The following WHRN variants were observed in gnomAD, a reference collection of about 807,000 sequenced individuals.
WHRN encodes the protein whirlin, also known as CASK-interacting protein CIP98.
In WHRN, 41 loss-of-function variants were observed where a neutral mutation model predicts 68.3. The observed-to-expected ratio is 0.60, with a 90% confidence interval of 0.47 to 0.78. The LOEUF is 0.78. WHRN is among the 30% of genes least tolerant of loss of function. WHRN has a pLI of 0.00. For synonymous variants in WHRN, 560 were observed against 561.3 expected (o/e 1.00, Z 0.03); for missense variants, 1,243 against 1,244.7 (o/e 1.00, Z 0.02).
intron 3 of WHRN, among the ~76,000 whole-genome samples, chr9:114,444,497 T>C (rs1353304733): frequency 2.0e-5 from 3 of 151,916 alleles, no homozygotes; most frequent in Non-Finnish European, 4.4e-5. Context: ...TATAATGACA[T>C]AGTACAAATA....
chr9:114,490,646 C>T (rs989178371), intron 1 of WHRN, among the ~76,000 whole-genome samples: 3 of 152,136 alleles, frequency 2.0e-5, no homozygotes, highest in Admixed American at 6.5e-5. Context: ...CTGCGAATGC[C>T]GGGATCTCAG....
chr9:114,406,163 T>G (rs1377941697), intron 9 of WHRN, among the ~76,000 whole-genome samples, 192 bp downstream of exon 9: 1 of 152,150 alleles, frequency 6.6e-6, no homozygotes, highest in Non-Finnish European at 1.5e-5. Context: ...AGACGGCAGC[T>G]TGTCCACAGT....
chr9:114,476,114 G>A (rs889668845), intron 2 of WHRN, among the ~76,000 whole-genome samples: 1 of 152,088 alleles, frequency 6.6e-6, no homozygotes, highest in Non-Finnish European at 1.5e-5. Context: ...ACAGACACAT[G>A]CCATCATACC....
chr9:114,419,674 G>A (rs552439450), intron 7 of WHRN, among the ~76,000 whole-genome samples: 57 of 152,314 alleles, frequency 3.7e-4, no homozygotes, highest in Admixed American at 1.0e-3. Context: ...TATGAAGTGG[G>A]GAGAAGAACA....
At chr9:114,434,811 C>A (rs1410258507) in intron 3 of WHRN, among the ~76,000 whole-genome samples, 1 of 152,172 alleles carries the variant, frequency 6.6e-6, no homozygotes, top group African/African-American at 2.4e-5. Flanking sequence ...TCTCGTCACA[C>A]CCTCCTTTAA....
intron 3 of WHRN, among the ~76,000 whole-genome samples, chr9:114,461,723 C>T (rs1411604490): frequency 1.3e-5 from 2 of 152,210 alleles, no homozygotes; most frequent in African/African-American, 2.4e-5. Context: ...TAAATTTCAA[C>T]CGAAATGCTT....
intron 3 of WHRN, among the ~76,000 whole-genome samples, chr9:114,453,435 C>T (rs916274751): frequency 6.6e-6 from 1 of 152,136 alleles, no homozygotes; most frequent in Non-Finnish European, 1.5e-5. Flanking sequence ...GGACAAATAT[C>T]CAAACTACAT....
intron 1 of WHRN, among the ~76,000 whole-genome samples, chr9:114,498,373 G>C (rs1011138051): frequency 1.3e-5 from 2 of 152,192 alleles, no homozygotes; most frequent in Admixed American, 1.3e-4. Context: ...GAGGGTGGCA[G>C]GGATGCAGAG....
intron 2 of WHRN, among the ~76,000 whole-genome samples, chr9:114,471,630 C>G (rs1841230514): frequency 6.6e-6 from 1 of 152,246 alleles, no homozygotes; most frequent in Admixed American, 6.5e-5. Flanking sequence ...AGCCATCTCC[C>G]TTCCTGCCTT....
chr9:114,423,603 CT>C, intron 6 of WHRN, 80 bp from the exon 7 acceptor site: 1 of 1,410,228 alleles, frequency 7.1e-7, no homozygotes, highest in Non-Finnish European at 9.7e-7. Flanking sequence ...CCCCAAAGGA[CT>C]GGCATGCAAA....
intron 1 of WHRN, among the ~76,000 whole-genome samples, chr9:114,483,078 A>G (rs979376988): frequency 7.9e-5 from 12 of 152,208 alleles, no homozygotes; most frequent in East Asian, 1.9e-4. Context: ...CAGCCACTCA[A>G]GCGTAGACCA....
chr9:114,426,585 T>C (rs893358553), intron 3 of WHRN, among the ~76,000 whole-genome samples, 172 bp from the exon 4 acceptor site: 1 of 152,204 alleles, frequency 6.6e-6, no homozygotes, highest in Non-Finnish European at 1.5e-5. Flanking sequence ...ATAGCAGTGC[T>C]GGCCTTCTGA....
intron 3 of WHRN, among the ~76,000 whole-genome samples, chr9:114,432,510 C>CA (rs1837509447): frequency 6.6e-6 from 1 of 152,224 alleles, no homozygotes; most frequent in African/African-American, 2.4e-5. Flanking sequence ...CAGTGGCCAT[C>CA]TGGTGTGTGT....
intron 9 of WHRN, among the ~76,000 whole-genome samples, chr9:114,405,070 C>CTT (rs34172199): frequency 7.9e-4 from 86 of 109,196 alleles, no homozygotes; most frequent in East Asian, 1.3e-3. Flanking sequence ...CTCTCTCTCT[C>CTT]TTTTTTTTTT....
chr9:114,457,586 T>C (rs578151805), intron 3 of WHRN, among the ~76,000 whole-genome samples: 74 of 152,190 alleles, frequency 4.9e-4, no homozygotes, highest in African/African-American at 1.5e-3. Context: ...TGGTAATCAT[T>C]TCTGTGGGCA....
chr9:114,413,416 G>A (rs1186897396), intron 7 of WHRN, among the ~76,000 whole-genome samples: 1 of 152,216 alleles, frequency 6.6e-6, no homozygotes, highest in Non-Finnish European at 1.5e-5. Flanking sequence ...AGGGATGTGA[G>A]CCAGGGAGAG....
At chr9:114,444,046 T>A (rs1838615105) in intron 3 of WHRN, among the ~76,000 whole-genome samples, 1 of 152,134 alleles carries the variant, frequency 6.6e-6, no homozygotes, top group Non-Finnish European at 1.5e-5. Flanking sequence ...CCGGTTCAAT[T>A]ATCTCCCACT....
intron 8 of WHRN, 109 bp downstream of exon 8, chr9:114,407,838 T>G (rs1265558765): frequency 1.1e-5 from 10 of 922,490 alleles, no homozygotes; most frequent in Non-Finnish European, 1.7e-5. Flanking sequence ...GGCCTCTGTC[T>G]CCTTTGCCAC....
Position 114,402,215 on chromosome 9 carries a change from C to CA in WHRN, c.*538dup, listed in dbSNP as rs1281789973. ...AGGGAAGCTGGGGCCTTGGGGTCCC[C>CA]AGGGGCATGGGGAGGGAAATAAATA... On this transcript the variant is annotated 3_prime_UTR_variant, in exon 12 of 12. Coordinates refer to ENST00000362057, the MANE Select transcript of WHRN (RefSeq NM_015404.4). 5.8e-6 allele frequency: 1 copy of CA among 172,020 alleles called. No homozygotes were observed. Among genetic ancestry groups the CA allele is most frequent in the African/African-American group, 2.4e-5 (1 of 41,930 alleles). The allele number at this position is 172,020 out of a possible 1,614,324, so 10.7% of individuals were successfully genotyped here. A position where few individuals can be genotyped will look rare whatever the true frequency, so the allele number is the denominator to read the frequency against.
Sources: gnomAD v4.1 joint callset for allele counts (sites outside exome capture counted in the v4.1 genomes callset) on GRCh38, gnomAD v4.1.1 for gene constraint, MANE v1.5 for transcripts, NCBI Gene and HGNC (gene_info 2026-07-23, HGNC 2026-07-21) for gene names.